XKR6: variants seen among roughly 807,000 people sequenced by gnomAD.
XKR6 encodes the protein XK-related protein 6.
Under a neutral mutation model 56.7 loss-of-function variants are expected in XKR6, and 22 were observed. The ratio of observed to expected loss-of-function variants is 0.39; its 90% CI spans 0.28 to 0.55. The LOEUF (loss-of-function observed/expected upper bound fraction) is 0.55. XKR6 is among the 20% of genes least tolerant of loss of function. The pLI is 0.66. For synonymous variants in XKR6, 524 were observed against 387.8 expected, an observed-to-expected ratio of 1.35 and a Z score of -4.13; for missense variants, 852 against 889.0, an observed-to-expected ratio of 0.96 and a Z score of 0.53.
intron 1 of XKR6, among the ~76,000 whole-genome samples, chr8:11,172,198 C>T (rs996046185): frequency 6.6e-6 from 1 of 151,812 alleles, no homozygotes; most frequent in Non-Finnish European, 1.5e-5. Flanking sequence ...GGCGAACACC[C>T]ATCTCTACAA....
rs572280566 is a variant in XKR6, at chr8:11,025,914, T to C, written c.765-101084A>G. Among the ~76,000 whole-genome samples, 6 of 152,252 alleles carry C rather than the reference T, an allele frequency of 3.9e-5. No individual in the cohort carries two copies. The South Asian group carries it at 1.2e-3, about 32-fold the overall frequency. On this transcript the variant is annotated intron_variant, in intron 1 of 2. Coordinates refer to ENST00000416569, the MANE Select transcript of XKR6 (RefSeq NM_173683.4). Reference sequence around the variant, plus strand: ...AATGTGGCTGGTCCAAACTGAAATGTGCTGTTAAATACACATGAGATATCA... The same window carrying C: ...AATGTGGCTGGTCCAAACTGAAATGCGCTGTTAAATACACATGAGATATCA...
chr8:11,130,191 G>T (rs1800034666), intron 1 of XKR6, among the ~76,000 whole-genome samples: 1 of 152,042 alleles, frequency 6.6e-6, no homozygotes, highest in South Asian at 2.1e-4. Flanking sequence ...GTGTATGTGT[G>T]TATGTATTTA....
chr8:11,128,760 T>C, intron 1 of XKR6: 1 of 437,648 alleles, frequency 2.3e-6, no homozygotes, highest in South Asian at 1.6e-5. Flanking sequence ...CCAACTTTCT[T>C]TCCCTCACAT....
At chr8:11,044,385 A>T (rs1799357003) in intron 1 of XKR6, among the ~76,000 whole-genome samples, 1 of 152,110 alleles carries the variant, frequency 6.6e-6, no homozygotes, top group Non-Finnish European at 1.5e-5. Context: ...CTTCAGCAAA[A>T]AAGTCCTTGC....
chr8:11,198,591 C>T (rs1212689008), intron 1 of XKR6, among the ~76,000 whole-genome samples: 1 of 151,926 alleles, frequency 6.6e-6, no homozygotes, highest in Non-Finnish European at 1.5e-5. Context: ...TCAGTTTGCC[C>T]TAAAATCTGG....
At chr8:11,165,851 T>A (rs1389835067) in intron 1 of XKR6, among the ~76,000 whole-genome samples, 2 of 152,138 alleles carry the variant, frequency 1.3e-5, no homozygotes, top group African/African-American at 4.8e-5. Flanking sequence ...CTGTGTCCTA[T>A]ACTATATCTC....
At chr8:10,913,762 C>T (rs991737061) in intron 2 of XKR6, among the ~76,000 whole-genome samples, 1 of 152,208 alleles carries the variant, frequency 6.6e-6, no homozygotes, top group Non-Finnish European at 1.5e-5. Context: ...ACCTTTTCTC[C>T]CAGGTGACAG....
intron 1 of XKR6, among the ~76,000 whole-genome samples, chr8:10,973,258 A>C (rs776520892): frequency 6.6e-6 from 1 of 152,222 alleles, no homozygotes; most frequent in African/African-American, 2.4e-5. Flanking sequence ...CCAGTGTCTT[A>C]GTTGGACAGA....
At chr8:10,945,351 G>C (rs989931120) in intron 1 of XKR6, among the ~76,000 whole-genome samples, 11 of 152,180 alleles carry the variant, frequency 7.2e-5, no homozygotes, top group African/African-American at 1.7e-4. Context: ...GGGCATGGTG[G>C]TGCACACTTA....
At chr8:11,035,774 G>C (rs899237000) in intron 1 of XKR6, among the ~76,000 whole-genome samples, 30 of 152,108 alleles carry the variant, frequency 2.0e-4, no homozygotes, top group Admixed American at 1.6e-3. Context: ...TGATGTGATA[G>C]ATGGGGAAAC....
chr8:11,180,441 G>A lies in XKR6; in HGVS notation c.764+20135C>T, dbSNP rs10106596. Among the ~76,000 whole-genome samples the A allele has an allele frequency of 5.7e-3, 869 of 152,318 alleles. 8 individuals are homozygous for A. The highest frequency in any genetic ancestry group is 0.02 in the African/African-American group (823 of 41,562). On this transcript the variant is annotated intron_variant, in intron 1 of 2. Transcript: ENST00000416569. ...CACCCTTGGCCTCTACCAACTAGAT[G>A]CCAGTAGCACCCCTCCAGCTGTGAC...
intron 1 of XKR6, among the ~76,000 whole-genome samples, chr8:11,063,212 A>AATAG (rs1799884187): frequency 6.6e-6 from 1 of 151,994 alleles, no homozygotes; most frequent in Non-Finnish European, 1.5e-5. Flanking sequence ...TAAATAAATA[A>AATAG]ATAAATAAAT....
At chr8:11,038,497 TTGTGTGTGTGTGTGTG>T (rs34388531) in intron 1 of XKR6, among the ~76,000 whole-genome samples, 1,450 of 130,208 alleles carry the variant, frequency 0.011, 23 homozygotes, top group African/African-American at 0.039. Flanking sequence ...TGTAGTCATT[TTGTGTGTGTGTGTGTG>T]TGTGTGTGTG....
At chr8:10,931,273 TCAAAG>T (rs894064078) in intron 1 of XKR6, among the ~76,000 whole-genome samples, 36 of 152,112 alleles carry the variant, frequency 2.4e-4, no homozygotes, top group African/African-American at 7.5e-4. Context: ...ATAAAAGAAA[TCAAAG>T]AAAACCTAAA....
chr8:11,017,385 A>C (rs1265042409), intron 1 of XKR6, among the ~76,000 whole-genome samples: 2 of 152,242 alleles, frequency 1.3e-5, no homozygotes, highest in Admixed American at 1.3e-4. Context: ...ACGCCGGGCA[A>C]ACTGTAAAGT....
chr8:11,002,678 G>T (rs1262873654), intron 1 of XKR6, among the ~76,000 whole-genome samples: 1 of 152,216 alleles, frequency 6.6e-6, no homozygotes, highest in Non-Finnish European at 1.5e-5. Flanking sequence ...CCATGGGATG[G>T]CCCAGGCCCA....
chr8:10,934,436 T>C (rs1801154272), intron 1 of XKR6, among the ~76,000 whole-genome samples: 1 of 106,258 alleles, frequency 9.4e-6, no homozygotes, highest in Non-Finnish European at 2.2e-5. Context: ...CAACACTATG[T>C]TGAATAGGAG....
intron 1 of XKR6, among the ~76,000 whole-genome samples, chr8:11,183,783 G>C (rs1246242145): frequency 1.3e-5 from 2 of 152,098 alleles, no homozygotes; most frequent in East Asian, 3.8e-4. Flanking sequence ...ACGGTTTTTG[G>C]AAAGTCTGGC....
At position 11,200,878 on chromosome 8, in the gene XKR6, G is replaced by A. The variant is rs770957908; in HGVS notation, c.462C>T (p.Tyr154=). ...CGAAGTAGACGTAGTCCCCCTTGCGGTAGTAGTCGAGGGCCAGCCACAGGT... is the reference window on the plus strand; with the variant it reads ...CGAAGTAGACGTAGTCCCCCTTGCGATAGTAGTCGAGGGCCAGCCACAGGT... ...GTDLWLALDY[Y]RKGDYVYFGL... The change falls in exon 1 of 3, where the codon TAC becomes TAT. Residue 154 remains tyrosine (Y), a synonymous_variant. Coordinates refer to ENST00000416569, the MANE Select transcript of XKR6 (RefSeq NM_173683.4). This position sits in a 1 kb window ranked among gnomAD's most constrained non-coding sequence, Gnocchi z 6.4. The A allele has an allele frequency of 7.4e-6, 12 of 1,611,660 alleles. No homozygotes were observed. The highest frequency in any genetic ancestry group is 2.2e-5 in the East Asian group (1 of 44,774).
Sources: gnomAD v4.1 joint callset for allele counts (sites outside exome capture counted in the v4.1 genomes callset) on GRCh38, gnomAD v4.1.1 for gene constraint, Gnocchi (gnomAD v3.1) non-coding constraint, MANE v1.5 for transcripts, NCBI Gene and HGNC (gene_info 2026-07-23, HGNC 2026-07-21) for gene names.